Variants in AGMO observed in about 807,000 individuals in gnomAD.
AGMO encodes the protein alkylglycerol monooxygenase, also known as glyceryl-ether monooxygenase.
In AGMO, 75 loss-of-function variants were observed where a neutral mutation model predicts 60.2. That is an observed-to-expected ratio of 1.25 (90% CI 1.03 to 1.51). The LOEUF (loss-of-function observed/expected upper bound fraction) is 1.51. Among genes scored for constraint, AGMO ranks in the 40% most tolerant of loss-of-function variants. The pLI, the probability that AGMO is intolerant of heterozygous loss-of-function variation, is 0.00. For missense variants in AGMO, 763 were observed against 525.5 expected, an observed-to-expected ratio of 1.45 and a Z score of -4.42; for synonymous variants, 261 against 177.1, an observed-to-expected ratio of 1.47 and a Z score of -3.76.
rs7800858 is a variant in AGMO, at chr7:15,548,481, G to A, written c.258-3558C>T. Reference sequence around the variant, plus strand: ...CAGAGAAGTGCTTAAAGGAGCTGATGGAGCTGAAAACCAAGGCTCGAGAAC... The same window carrying A: ...CAGAGAAGTGCTTAAAGGAGCTGATAGAGCTGAAAACCAAGGCTCGAGAAC... On this transcript the variant is annotated intron_variant, in intron 2 of 12. Transcript: ENST00000342526. 3.6e-3 allele frequency among the ~76,000 whole-genome samples: 543 copies of A among 152,074 alleles called. 3 individuals are homozygous for A. The highest frequency in any genetic ancestry group is 0.013 in the African/African-American group (525 of 41,466).
Position 15,531,524 on chromosome 7 carries a change from C to CTA in AGMO, c.409+13246_409+13247dup, listed in dbSNP as rs71523047. On this transcript the variant is annotated intron_variant, in intron 3 of 12. Transcript: ENST00000342526. ...TCTATATATATTCTCTATATATATT[C>CTA]TATATATATTCTCTATATATATTCT... 6.1e-3 allele frequency among the ~76,000 whole-genome samples: 208 copies of CTA among 34,270 alleles called. 26 individuals carry two copies. The highest frequency in any genetic ancestry group is 0.025 in the Middle Eastern group (2 of 80). The allele number at this position is 34,270 out of a possible 152,430, so 22.5% of individuals were successfully genotyped here.
At chr7:15,362,183 G>T (rs1412328334) in intron 12 of AGMO, among the ~76,000 whole-genome samples, 1 of 152,004 alleles carries the variant, frequency 6.6e-6, no homozygotes, top group Non-Finnish European at 1.5e-5. Flanking sequence ...AAATGGCAAA[G>T]ATTTACATAA....
chr7:15,229,240 T>C (rs895032871), intron 12 of AGMO, among the ~76,000 whole-genome samples: 2 of 152,102 alleles, frequency 1.3e-5, no homozygotes, highest in African/African-American at 2.4e-5. Flanking sequence ...GGGAATTTCA[T>C]TGATAATTTT....
the AGMO span, among the ~76,000 whole-genome samples, chr7:15,170,210 C>T: frequency 6.6e-6 from 1 of 152,192 alleles, no homozygotes; most frequent in African/African-American, 2.4e-5. Flanking sequence ...GAGAGTGAGA[C>T]GTTCCCAGAG....
In AGMO at chr7:15,365,491, G is replaced by C. The variant is rs115656284; in HGVS notation, c.1263+23C>G. ...GTGCGATAGGTATACGCCATCCTGT[G>C]GCTACCTAAACAAATGTCTTACCTC... On this transcript the variant is annotated intron_variant, in intron 12 of 12. Coordinates refer to ENST00000342526, the MANE Select transcript of AGMO (RefSeq NM_001004320.2). 5.5e-4 allele frequency: 840 copies of C among 1,540,166 alleles called. 5 individuals are homozygous for C. The African/African-American group carries it at 0.01, about 19-fold the overall frequency.
At chr7:15,263,542 G>A (rs573620298) in intron 12 of AGMO, among the ~76,000 whole-genome samples, 17 of 152,124 alleles carry the variant, frequency 1.1e-4, no homozygotes, top group Middle Eastern at 3.4e-3. Flanking sequence ...TAGATTTACC[G>A]TTTGATCACC....
intron 12 of AGMO, among the ~76,000 whole-genome samples, chr7:15,282,968 G>C (rs1167410443): frequency 2.0e-5 from 3 of 152,060 alleles, no homozygotes; most frequent in African/African-American, 4.8e-5. Flanking sequence ...TGTCAGTTAA[G>C]AATTCTGTAT....
chr7:15,310,529 C>A (rs1780739809), intron 12 of AGMO, among the ~76,000 whole-genome samples: 1 of 151,942 alleles, frequency 6.6e-6, no homozygotes, highest in South Asian at 2.1e-4. Context: ...TCCTTATTTT[C>A]CTATATCATG....
chr7:15,234,535 G>C (rs1249184226), intron 12 of AGMO, among the ~76,000 whole-genome samples: 1 of 152,036 alleles, frequency 6.6e-6, no homozygotes, highest in Non-Finnish European at 1.5e-5. Flanking sequence ...ATCTCTTTTT[G>C]GTTTTGTTTT....
chr7:15,213,586 A>T (rs1311494411), intron 12 of AGMO, among the ~76,000 whole-genome samples: 1 of 151,934 alleles, frequency 6.6e-6, no homozygotes, highest in African/African-American at 2.4e-5. Context: ...AAATCCTTTT[A>T]TAAAAGCATC....
chr7:15,265,084 T>C lies in AGMO; in HGVS notation c.1264-63725A>G, dbSNP rs59368920. On this transcript the variant is annotated intron_variant, in intron 12 of 12. Transcript: ENST00000342526. ...AAGAAAATGTGATATGTATACACTATGGAATACTATGCAACTATTAAAAAA... is the reference window on the plus strand; with the variant it reads ...AAGAAAATGTGATATGTATACACTACGGAATACTATGCAACTATTAAAAAA... Among the ~76,000 whole-genome samples, 824 of 152,270 alleles carry C rather than the reference T, an allele frequency of 5.4e-3. 6 individuals are homozygous for C. The highest frequency in any genetic ancestry group is 0.017 in the Middle Eastern group (5 of 294).
the AGMO span, among the ~76,000 whole-genome samples, chr7:15,174,949 A>G: frequency 6.6e-6 from 1 of 151,888 alleles, no homozygotes; most frequent in Admixed American, 6.6e-5. Flanking sequence ...TTAATGTTCA[A>G]TAGTTTGAAT....
chr7:15,490,965 T>C (rs1171310230), intron 3 of AGMO, among the ~76,000 whole-genome samples: 2 of 152,218 alleles, frequency 1.3e-5, no homozygotes, highest in Non-Finnish European at 2.9e-5. Context: ...ATGAATATTT[T>C]GTTAATAATG....
At chr7:15,318,573 GAAATT>G (rs778175952) in intron 12 of AGMO, among the ~76,000 whole-genome samples, 2 of 152,076 alleles carry the variant, frequency 1.3e-5, no homozygotes, top group Non-Finnish European at 2.9e-5. Context: ...TGAGCATATA[GAAATT>G]AAATATTATG....
intron 12 of AGMO, among the ~76,000 whole-genome samples, chr7:15,263,364 C>CAA (rs1309399459): frequency 6.6e-6 from 1 of 151,840 alleles, no homozygotes; most frequent in East Asian, 1.9e-4. Flanking sequence ...AAATGCAAAC[C>CAA]AAAACCACAA....
intron 2 of AGMO, among the ~76,000 whole-genome samples, chr7:15,547,967 C>G (rs543713286): frequency 6.8e-6 from 1 of 146,820 alleles, no homozygotes; most frequent in Non-Finnish European, 1.6e-5. Flanking sequence ...AGCTGGAGAT[C>G]TGAGAACAGG....
At chr7:15,196,170 G>A (rs1781111377), downstream of AGMO, among the ~76,000 whole-genome samples, 2 of 151,750 alleles carry the variant, frequency 1.3e-5, no homozygotes, top group Admixed American at 6.6e-5. Flanking sequence ...AGCCTCCAGA[G>A]TAGCTGGTAT....
intron 2 of AGMO, among the ~76,000 whole-genome samples, chr7:15,551,593 T>C (rs1179798734): frequency 6.6e-6 from 1 of 151,368 alleles, no homozygotes; most frequent in African/African-American, 2.4e-5. Context: ...ATAAAATACT[T>C]AGGAATCCAA....
chr7:15,146,153 A>G, the AGMO span, among the ~76,000 whole-genome samples: 3 of 152,192 alleles, frequency 2.0e-5, no homozygotes, highest in African/African-American at 7.2e-5. Flanking sequence ...GGTTAATTCT[A>G]TACACCTTTA....
Sources: allele counts gnomAD v4.1 joint callset (sites outside exome capture counted in the v4.1 genomes callset), GRCh38; gene constraint gnomAD v4.1.1; transcripts MANE v1.5; gene names NCBI Gene and HGNC (gene_info 2026-07-23, HGNC 2026-07-21).